ANKRD17: variants seen among roughly 807,000 people sequenced by gnomAD.
The protein encoded by ANKRD17 is ankyrin repeat domain-containing protein 17.
ANKRD17 carries 19 observed loss-of-function variants against 229.7 expected under a neutral mutation model. The ratio of observed to expected loss-of-function variants is 0.08; its 90% CI spans 0.06 to 0.12. The LOEUF is 0.12. Among genes scored for constraint, ANKRD17 ranks in the 10% least tolerant of loss-of-function variants. The probability of loss-of-function intolerance (pLI) is 1.00; values close to 1 mark genes in which losing one functional copy is unlikely to be tolerated. For synonymous variants in ANKRD17, 1,112 were observed against 1,146.1 expected, an observed-to-expected ratio of 0.97 and a Z score of 0.60; for missense variants, 2,176 against 3,176.8, an observed-to-expected ratio of 0.68 and a Z score of 7.57.
chr4:73,081,630 C>A (rs536542727), intron 30 of ANKRD17, among the ~76,000 whole-genome samples: 24 of 152,262 alleles, frequency 1.6e-4, no homozygotes, highest in African/African-American at 5.8e-4. Context: ...TGGGGCAGAT[C>A]TAGGTTTTGT....
At chr4:73,166,978 C>T (rs1733315669) in intron 2 of ANKRD17, among the ~76,000 whole-genome samples, 1 of 151,830 alleles carries the variant, frequency 6.6e-6, no homozygotes, top group Non-Finnish European at 1.5e-5. Flanking sequence ...TAAGGAATTA[C>T]TTTTTTTTCC....
At chr4:73,089,828 TG>T (rs1722609371) in intron 29 of ANKRD17, among the ~76,000 whole-genome samples, 1 of 152,188 alleles carries the variant, frequency 6.6e-6, no homozygotes, top group African/African-American at 2.4e-5. Flanking sequence ...CTGTCCAATA[TG>T]GTAGCTACCA....
At position 73,075,326 on chromosome 4, in the gene ANKRD17, T is replaced by G. The variant is rs978869949; in HGVS notation, c.*905A>C. On this transcript the variant is annotated 3_prime_UTR_variant, in exon 34 of 34. Coordinates refer to ENST00000358602, the MANE Select transcript of ANKRD17 (RefSeq NM_032217.5). ...GTGGCTTTTTAAATTCTCAGAAAGT[T>G]TAAACATTTTATAATTAGAAGAAAC... 3.9e-5 allele frequency: 6 copies of G among 152,080 alleles called. No individual in the cohort carries two copies. Among genetic ancestry groups the G allele is most frequent in the East Asian group, 1.9e-4 (1 of 5,188 alleles). 9.4% of individuals were successfully genotyped at this position (152,080 alleles called of 1,614,324 possible).
chr4:73,151,562 T>C (rs976112713), intron 6 of ANKRD17, 38 bp from the exon 7 acceptor site: 1 of 1,347,430 alleles, frequency 7.4e-7, no homozygotes, highest in East Asian at 2.6e-5. Context: ...GAAAATATTT[T>C]ATTATTCCAA....
At chr4:73,179,287 A>G (rs1282452177) in intron 1 of ANKRD17, among the ~76,000 whole-genome samples, 1 of 151,354 alleles carries the variant, frequency 6.6e-6, no homozygotes, top group Non-Finnish European at 1.5e-5. Context: ...TATTCTGTAA[A>G]TATTTTTTAA....
In ANKRD17 at chr4:73,096,923, T is replaced by C. The variant is rs557610949; in HGVS notation, c.5177+194A>G. Among the ~76,000 whole-genome samples, 9 of 152,310 alleles carry C rather than the reference T, an allele frequency of 5.9e-5. No homozygotes were observed. In the South Asian group the frequency reaches 8.3e-4, roughly 14 times the overall value. ...AGTTCTCAAAGCAAACTCCAATACTTTTGAGGGGCCAAATTAACACGTAAT... is the reference window on the plus strand; with the variant it reads ...AGTTCTCAAAGCAAACTCCAATACTCTTGAGGGGCCAAATTAACACGTAAT... On this transcript the variant is annotated intron_variant, in intron 27 of 33. Transcript: ENST00000358602.
chr4:73,113,223 T>C (rs1484251893), intron 24 of ANKRD17: 12 of 1,288,664 alleles, frequency 9.3e-6, no homozygotes, highest in African/African-American at 1.5e-5. Context: ...AAAAGGGAAG[T>C]GAAGAAGCTA....
chr4:73,254,547 C>T (rs1021472659), intron 1 of ANKRD17, among the ~76,000 whole-genome samples: 27 of 152,154 alleles, frequency 1.8e-4, no homozygotes, highest in African/African-American at 6.5e-4. Flanking sequence ...GCCAGTGGAT[C>T]ACCTGAGGTC....
chr4:73,149,097 A>T (rs772516457), intron 7 of ANKRD17, 47 bp from the exon 8 acceptor site: 2 of 1,520,224 alleles, frequency 1.3e-6, no homozygotes, highest in South Asian at 2.4e-5. Context: ...CATTAAAAAA[A>T]TCTTGAAAAA....
At chr4:73,176,886 C>G (rs985741068) in intron 2 of ANKRD17, among the ~76,000 whole-genome samples, 8 of 152,044 alleles carry the variant, frequency 5.3e-5, no homozygotes, top group Admixed American at 6.6e-5. Flanking sequence ...TTAACACCAA[C>G]AAAAATCACA....
At chr4:73,076,331 G>A (rs1000372509) in intron 33 of ANKRD17, 41 bp from the exon 34 acceptor site, 2 of 1,415,916 alleles carry the variant, frequency 1.4e-6, no homozygotes, top group Non-Finnish European at 1.9e-6. Flanking sequence ...TATATATCTA[G>A]CATATATTTT....
chr4:73,105,423 C>G (rs901769037), intron 24 of ANKRD17, among the ~76,000 whole-genome samples: 1 of 151,166 alleles, frequency 6.6e-6, no homozygotes, highest in Non-Finnish European at 1.5e-5. Flanking sequence ...GACAGAATAT[C>G]TAAGGGGTAA....
At chr4:73,179,677 C>T (rs1735286359) in intron 1 of ANKRD17, among the ~76,000 whole-genome samples, 1 of 151,050 alleles carries the variant, frequency 6.6e-6, no homozygotes, top group South Asian at 2.1e-4. Context: ...TTTGTAGCAA[C>T]AGGATGTGGA....
At chr4:73,088,284 G>C (rs1276386326) in intron 29 of ANKRD17, among the ~76,000 whole-genome samples, 1 of 152,052 alleles carries the variant, frequency 6.6e-6, no homozygotes, top group Non-Finnish European at 1.5e-5. Context: ...AGGTTTAGGA[G>C]AAAATAAAAG....
In ANKRD17 at chr4:73,098,063, T is replaced by A. The variant is rs1186266395; in HGVS notation, c.5021+10A>T. The A allele has an allele frequency of 6.4e-7, 1 of 1,571,262 alleles. No individual in the cohort carries two copies. Among genetic ancestry groups the A allele is most frequent in the South Asian group, 1.2e-5 (1 of 85,654 alleles). On this transcript the variant is annotated intron_variant, in intron 26 of 33. Coordinates refer to ENST00000358602, the MANE Select transcript of ANKRD17 (RefSeq NM_032217.5). ...CACTATAAATATTGAAAATAAAAAT[T>A]GGAACTAACTTTATTGAAGCCTTGC...
At chr4:73,253,529 A>C (rs1745207038) in intron 1 of ANKRD17, among the ~76,000 whole-genome samples, 1 of 152,250 alleles carries the variant, frequency 6.6e-6, no homozygotes, top group Non-Finnish European at 1.5e-5. Context: ...TACCATTTAT[A>C]CCATTTACAT....
chr4:73,236,708 C>A (rs1369081220), intron 1 of ANKRD17, among the ~76,000 whole-genome samples: 1 of 151,866 alleles, frequency 6.6e-6, no homozygotes, highest in Non-Finnish European at 1.5e-5. Context: ...AGAATTAAAT[C>A]CAGTAAAATG....
chr4:73,217,629 T>C lies in ANKRD17; in HGVS notation c.394-40096A>G, dbSNP rs1475531309. On this transcript the variant is annotated intron_variant, in intron 1 of 33. Coordinates refer to ENST00000358602, the MANE Select transcript of ANKRD17 (RefSeq NM_032217.5). ...CTCTTGCTTCAGCCTCCCGAATTGC[T>C]GTGATTACAGGCACGAGCCACTCAC... Among the ~76,000 whole-genome samples the C allele has an allele frequency of 3.3e-5, 5 of 152,274 alleles. No homozygotes were observed. The East Asian group carries it at 9.6e-4, about 29-fold the overall frequency.
At chr4:73,122,879 A>T (rs188222680) in intron 18 of ANKRD17, among the ~76,000 whole-genome samples, 1 of 152,098 alleles carries the variant, frequency 6.6e-6, no homozygotes, top group Non-Finnish European at 1.5e-5. Context: ...CAATGCCATT[A>T]TATTTCTCAA....
Sources: gnomAD v4.1 joint callset for allele counts (sites outside exome capture counted in the v4.1 genomes callset) on GRCh38, gnomAD v4.1.1 for gene constraint, MANE v1.5 for transcripts, NCBI Gene and HGNC (gene_info 2026-07-23, HGNC 2026-07-21) for gene names.